CPE: variants seen among roughly 807,000 people sequenced by gnomAD.
The protein encoded by CPE is carboxypeptidase E.
In CPE, 17 loss-of-function variants were observed where a neutral mutation model predicts 53.5. The ratio of observed to expected loss-of-function variants is 0.32; its 90% confidence interval spans 0.22 to 0.48. CPE has a LOEUF of 0.48. Among genes scored for constraint, CPE ranks in the 20% least tolerant of loss-of-function variants. The probability of loss-of-function intolerance (pLI) is 0.99; values close to 1 mark genes in which losing one functional copy is unlikely to be tolerated. For missense variants in CPE, 524 were observed against 614.7 expected, an observed-to-expected ratio of 0.85 and a Z score of 1.56; for synonymous variants, 226 against 228.8, an observed-to-expected ratio of 0.99 and a Z score of 0.11.
intron 1 of CPE, among the ~76,000 whole-genome samples, chr4:165,457,708 A>T (rs1330844975): frequency 6.6e-6 from 1 of 152,182 alleles, no homozygotes; most frequent in African/African-American, 2.4e-5. Context: ...TATCATGTTG[A>T]TTTGGTTGTT....
chr4:165,399,825 C>A (rs760966537), intron 1 of CPE, among the ~76,000 whole-genome samples: 4 of 152,096 alleles, frequency 2.6e-5, no homozygotes, highest in Non-Finnish European at 4.4e-5. Context: ...AGGATACTCA[C>A]CGAGACTTCT....
intron 1 of CPE, among the ~76,000 whole-genome samples, chr4:165,430,205 A>G (rs28412249): frequency 0.29 from 44,822 of 151,976 alleles, 6,674 homozygotes; most frequent in Middle Eastern, 0.39. Context: ...AACCATACGT[A>G]GCCAAATTGA....
At chr4:165,449,496 G>A (rs1486628947) in intron 1 of CPE, among the ~76,000 whole-genome samples, 1 of 152,130 alleles carries the variant, frequency 6.6e-6, no homozygotes, top group African/African-American at 2.4e-5. Flanking sequence ...GGGGAGATGA[G>A]CGATATGTAG....
intron 1 of CPE, among the ~76,000 whole-genome samples, chr4:165,396,875 C>T (rs1234923739): frequency 1.4e-5 from 2 of 144,322 alleles, no homozygotes; most frequent in South Asian, 4.6e-4. Context: ...CATGGCGAAA[C>T]CCTGTCGCCA....
intron 1 of CPE, among the ~76,000 whole-genome samples, chr4:165,442,037 T>C (rs201684288): frequency 8.6e-6 from 1 of 116,922 alleles, no homozygotes; most frequent in Non-Finnish European, 1.7e-5. Flanking sequence ...TTTTTTTTTG[T>C]TTTTTTTTTG....
At chr4:165,389,291 T>C (rs1175339021) in intron 1 of CPE, among the ~76,000 whole-genome samples, 1 of 152,196 alleles carries the variant, frequency 6.6e-6, no homozygotes, top group Non-Finnish European at 1.5e-5. Flanking sequence ...TTAGTTTAAC[T>C]ATTTATATTT....
chr4:165,415,777 A>C, intron 1 of CPE, among the ~76,000 whole-genome samples: 1 of 152,224 alleles, frequency 6.6e-6, no homozygotes, highest in East Asian at 1.9e-4. Context: ...ATACATACAT[A>C]TAGTACATAT....
At chr4:165,433,083 T>G (rs1579259310) in intron 1 of CPE, among the ~76,000 whole-genome samples, 1 of 152,164 alleles carries the variant, frequency 6.6e-6, no homozygotes, top group South Asian at 2.1e-4. Flanking sequence ...AGAATAAGTG[T>G]TTCAATGACT....
intron 1 of CPE, among the ~76,000 whole-genome samples, chr4:165,460,564 G>A (rs562632180): frequency 8.9e-4 from 135 of 152,214 alleles, no homozygotes; most frequent in African/African-American, 3.0e-3. Flanking sequence ...CCCGGGTGCA[G>A]CCTCCTTGAA....
At chr4:165,394,673 G>A (rs747149183) in intron 1 of CPE, among the ~76,000 whole-genome samples, 4 of 147,268 alleles carry the variant, frequency 2.7e-5, no homozygotes, top group East Asian at 1.9e-4. Flanking sequence ...CCAGTAGTTC[G>A]AGACCAGCTT....
chr4:165,429,711 A>C (rs1055158230), intron 1 of CPE, among the ~76,000 whole-genome samples: 1 of 152,040 alleles, frequency 6.6e-6, no homozygotes, highest in African/African-American at 2.4e-5. Flanking sequence ...AAAAAAAAAA[A>C]AAGTTACTAA....
chr4:165,408,249 A>G (rs1730983353), intron 1 of CPE, among the ~76,000 whole-genome samples: 1 of 152,186 alleles, frequency 6.6e-6, no homozygotes, highest in South Asian at 2.1e-4. Flanking sequence ...TAAGGTCACA[A>G]AGATTTACAC....
chr4:165,467,926 T>C, intron 3 of CPE, 71 bp downstream of exon 3: 1 of 1,519,716 alleles, frequency 6.6e-7, no homozygotes, highest in Non-Finnish European at 9.0e-7. Flanking sequence ...ATCTTCATCA[T>C]CATGAAGGAC....
At chr4:165,393,014 C>G (rs1266635123) in intron 1 of CPE, among the ~76,000 whole-genome samples, 8 of 151,290 alleles carry the variant, frequency 5.3e-5, no homozygotes, top group Admixed American at 2.6e-4. Context: ...CCCTAGGTAG[C>G]TATTATTGAG....
intron 1 of CPE, among the ~76,000 whole-genome samples, chr4:165,461,061 G>C (rs527759045): frequency 1.6e-4 from 24 of 150,174 alleles, no homozygotes; most frequent in Non-Finnish European, 3.0e-4. Context: ...TAGCTACTCA[G>C]AAGGCTGATG....
chr4:165,447,735 C>CA (rs1156774628), intron 1 of CPE, among the ~76,000 whole-genome samples: 2 of 152,084 alleles, frequency 1.3e-5, no homozygotes, highest in African/African-American at 4.8e-5. Flanking sequence ...TATAGCTGTA[C>CA]AAAAATCTTT....
Position 165,498,399 on chromosome 4 carries a change from CG to C in CPE, c.*791del, listed in dbSNP as rs1180726349. 2.6e-5 allele frequency: 4 copies of C among 152,114 alleles called. No homozygotes were observed. Among genetic ancestry groups the C allele is most frequent in the East Asian group, 1.9e-4 (1 of 5,196 alleles). The allele number at this position is 152,114 out of a possible 1,614,324, so 9.4% of individuals were successfully genotyped here. A position where few individuals can be genotyped will look rare whatever the true frequency, so the allele number is the denominator to read the frequency against. On this transcript the variant is annotated 3_prime_UTR_variant, in exon 9 of 9. Coordinates refer to ENST00000402744, the MANE Select transcript of CPE (RefSeq NM_001873.4). ...ATGAAAACATGTATCCTCTTAATGG[CG>C]GCTTCTCATATATTCATCCTGTACA...
In CPE at chr4:165,487,566, T is replaced by C; in HGVS notation, c.1102T>C (p.Tyr368His). The C allele has an allele frequency of 6.2e-7, 1 of 1,614,050 alleles. No individual in the cohort carries two copies. The highest frequency in any genetic ancestry group is 8.5e-7 in the Non-Finnish European group (1 of 1,179,972). ...GGATAACAAAAACTCCCTCATTAGC[T>C]ACCTTGAGCAGGTAAACACAGTCCC... ...WEDNKNSLISYLEQIHRGVKG... is the reference protein window; with the variant it reads ...WEDNKNSLISHLEQIHRGVKG... The change falls in exon 6 of 9, where the codon TAC (tyrosine) becomes CAC (histidine). Residue 368 changes from tyrosine to histidine, a missense_variant. Coordinates refer to ENST00000402744, the MANE Select transcript of CPE (RefSeq NM_001873.4).
intron 1 of CPE, among the ~76,000 whole-genome samples, chr4:165,407,744 C>T (rs771868526): frequency 7.2e-5 from 11 of 151,894 alleles, no homozygotes; most frequent in East Asian, 1.9e-4. Flanking sequence ...TTAGTAGAGA[C>T]GGGGTTTTGC....
Sources: gnomAD v4.1 joint callset for allele counts (sites outside exome capture counted in the v4.1 genomes callset) on GRCh38, gnomAD v4.1.1 for gene constraint, MANE v1.5 for transcripts, NCBI Gene and HGNC (gene_info 2026-07-23, HGNC 2026-07-21) for gene names.